Variants in FRMD6 observed in about 807,000 individuals in gnomAD.
FRMD6 encodes the protein FERM domain containing 6.
Under a neutral mutation model 73.2 loss-of-function variants are expected in FRMD6, and 37 were observed. The ratio of observed to expected loss-of-function variants is 0.51; its 90% CI spans 0.39 to 0.66. The LOEUF (loss-of-function observed/expected upper bound fraction) is 0.66. FRMD6 is among the 30% of genes least tolerant of loss of function. The pLI is 0.00. For synonymous variants in FRMD6, 273 were observed against 282.2 expected (o/e 0.97, Z 0.33); for missense variants, 714 against 780.5 (o/e 0.91, Z 1.02).
intron 13 of FRMD6, among the ~76,000 whole-genome samples, chr14:51,726,544 C>T (rs1417232540): frequency 2.0e-5 from 3 of 152,074 alleles, no homozygotes; most frequent in Admixed American, 1.3e-4. Flanking sequence ...TCTTTCCTCC[C>T]TTTTTTCTCA....
At chr14:51,719,810 A>T (rs780130039) in intron 10 of FRMD6, among the ~76,000 whole-genome samples, 1 of 151,936 alleles carries the variant, frequency 6.6e-6, no homozygotes, top group Non-Finnish European at 1.5e-5. Context: ...TTTAAATACC[A>T]CTCTTCTTAT....
At chr14:51,563,666 T>C (rs1368862410) in intron 1 of FRMD6, among the ~76,000 whole-genome samples, 1 of 151,568 alleles carries the variant, frequency 6.6e-6, no homozygotes, top group Non-Finnish European at 1.5e-5. Flanking sequence ...CGAGATTCAG[T>C]CTCAAAAAAA....
intron 2 of FRMD6, among the ~76,000 whole-genome samples, chr14:51,583,877 A>C (rs1794897731): frequency 6.6e-6 from 1 of 152,198 alleles, no homozygotes; most frequent in Non-Finnish European, 1.5e-5. Context: ...TTAGGAAGCA[A>C]GAATAGCAGA....
chr14:51,646,115 G>C (rs942199722), intron 2 of FRMD6, among the ~76,000 whole-genome samples: 2 of 151,458 alleles, frequency 1.3e-5, no homozygotes, highest in Non-Finnish European at 2.9e-5. Context: ...TCAGGAGATC[G>C]ACACAATCCT....
chr14:51,548,507 C>T (rs1273659030), intron 1 of FRMD6, among the ~76,000 whole-genome samples: 1 of 152,146 alleles, frequency 6.6e-6, no homozygotes, highest in African/African-American at 2.4e-5. Context: ...CTCTGGATCC[C>T]TTCTTCTTGT....
chr14:51,519,394 C>A (rs1035985242), intron 1 of FRMD6, among the ~76,000 whole-genome samples: 2 of 152,112 alleles, frequency 1.3e-5, no homozygotes, highest in Admixed American at 1.3e-4. Context: ...GGGTGACCCA[C>A]CCACCTCGGC....
chr14:51,537,004 A>T (rs1262504710), intron 1 of FRMD6, among the ~76,000 whole-genome samples: 2 of 151,988 alleles, frequency 1.3e-5, no homozygotes, highest in African/African-American at 4.8e-5. Flanking sequence ...ACATTGGTTA[A>T]GACTGATAAA....
intron 1 of FRMD6, among the ~76,000 whole-genome samples, chr14:51,542,474 A>G (rs1395549124): frequency 3.9e-5 from 6 of 152,040 alleles, no homozygotes; most frequent in East Asian, 1.9e-4. Context: ...CTTCCTTTTT[A>G]TGGCTGAATA....
chr14:51,727,832 A>G lies in FRMD6; in HGVS notation c.1672A>G (p.Ile558Val), dbSNP rs770747113. 1.2e-6 allele frequency: 2 copies of G among 1,613,994 alleles called. No individual in the cohort carries two copies. The highest frequency in any genetic ancestry group is 1.3e-5 in the African/African-American group (1 of 74,932). ...IRLYQKDFLR[I>V]AGLCQDTAQS... is the part of the protein sequence containing the mutation. ...ACTTTACCAGAAAGACTTCCTGCGC[A>G]TTGCAGGTCTGTGTCAGGACACTGC... The change falls in exon 14 of 14, where the codon ATT becomes GTT. Residue 558 changes from isoleucine to valine, a missense_variant. Ile to Val is a conservative substitution (Grantham distance 29, BLOSUM62 3). Coordinates refer to ENST00000344768, the MANE Select transcript of FRMD6 (RefSeq NM_001267046.2).
intron 1 of FRMD6, among the ~76,000 whole-genome samples, chr14:51,545,514 T>C (rs72673961): frequency 0.085 from 12,982 of 152,146 alleles, 747 homozygotes; most frequent in Middle Eastern, 0.18. Context: ...AAACTGTCAG[T>C]TGCTTGAAAT....
At chr14:51,716,171 A>G (rs1017197236) in intron 10 of FRMD6, among the ~76,000 whole-genome samples, 1 of 152,148 alleles carries the variant, frequency 6.6e-6, no homozygotes, top group Admixed American at 6.5e-5. Flanking sequence ...AGGGTCTGTA[A>G]CATCCGACTT....
rs79298880 is a variant in FRMD6, at chr14:51,545,949, TGAGA to T, written c.-209-24394_-209-24391del. On this transcript the variant is annotated intron_variant, in intron 1 of 14. Coordinates refer to the FRMD6 transcript ENST00000356218. ...ATTGTGATCTTGACAAAATATTTGC[TGAGA>T]GAGAAAGAATTAAAGTTGAAAAAAA... 9.4e-3 allele frequency among the ~76,000 whole-genome samples: 1,430 copies of T among 152,226 alleles called. 12 individuals carry two copies. Among genetic ancestry groups the T allele is most frequent in the Non-Finnish European group, 0.015 (1,052 of 68,006 alleles).
At chr14:51,433,985 G>A in the FRMD6 span, among the ~76,000 whole-genome samples, 1 of 152,170 alleles carries the variant, frequency 6.6e-6, no homozygotes, top group East Asian at 1.9e-4. Flanking sequence ...TACTCATAGG[G>A]ATATGCTTTA....
At chr14:51,573,311 G>C (rs1466050426) in intron 2 of FRMD6, among the ~76,000 whole-genome samples, 1 of 152,162 alleles carries the variant, frequency 6.6e-6, no homozygotes, top group Non-Finnish European at 1.5e-5. Context: ...AAGGTGACCT[G>C]GCGTTGGAAT....
At chr14:51,497,028 A>G (rs1883333551) in intron 1 of FRMD6, among the ~76,000 whole-genome samples, 1 of 152,200 alleles carries the variant, frequency 6.6e-6, no homozygotes, top group African/African-American at 2.4e-5. Flanking sequence ...ACAATGTTGA[A>G]ACAGGGACAT....
At chr14:51,469,821 A>C in the FRMD6 span, among the ~76,000 whole-genome samples, 1 of 151,976 alleles carries the variant, frequency 6.6e-6, no homozygotes, top group Admixed American at 6.6e-5. Context: ...ATATTCTGAA[A>C]ATGTTTGTGT....
At chr14:51,487,760 T>C (rs1399348169), upstream of FRMD6, among the ~76,000 whole-genome samples, 2 of 152,224 alleles carry the variant, frequency 1.3e-5, no homozygotes, top group Non-Finnish European at 2.9e-5. Context: ...GGCTTAGCCT[T>C]GAAACACATT....
rs545313431 is a variant in FRMD6, at chr14:51,541,463, T to G, written c.-209-28885T>G. 3.1e-4 allele frequency among the ~76,000 whole-genome samples: 47 copies of G among 152,160 alleles called. No homozygotes were observed. In the South Asian group the frequency reaches 4.4e-3, roughly 14 times the overall value. ...GCTTATTATTTTCCCTATAGTAAAA[T>G]GAAATAAAAACAGTATAAATCTCAC... is the stretch of plus-strand genomic sequence containing the variant. On this transcript the variant is annotated intron_variant, in intron 1 of 14. Coordinates refer to the FRMD6 transcript ENST00000356218.
chr14:51,436,522 AT>A, the FRMD6 span: 7 of 653,340 alleles, frequency 1.1e-5, no homozygotes, highest in Admixed American at 6.9e-5. Flanking sequence ...GAGAGAGGTG[AT>A]CCATCTTCAA....
Sources: allele counts gnomAD v4.1 joint callset (sites outside exome capture counted in the v4.1 genomes callset), GRCh38; gene constraint gnomAD v4.1.1; transcripts MANE v1.5; gene names NCBI Gene and HGNC (gene_info 2026-07-23, HGNC 2026-07-21).